The following CLEC4A variants were observed in gnomAD, a reference collection of about 807,000 sequenced individuals.
The protein encoded by CLEC4A is C-type (calcium dependent, carbohydrate-recognition domain) lectin, superfamily member 6.
Under a neutral mutation model 32.7 loss-of-function variants are expected in CLEC4A, and 27 were observed. That is an observed-to-expected ratio of 0.83 (90% CI 0.61 to 1.14). CLEC4A has a LOEUF of 1.14. CLEC4A is among the 50% of genes most tolerant of loss of function. The probability of loss-of-function intolerance (pLI) is 0.00; values close to 1 mark genes in which losing one functional copy is unlikely to be tolerated. For synonymous variants in CLEC4A, 89 were observed against 93.7 expected, an observed-to-expected ratio of 0.95 and a Z score of 0.29; for missense variants, 253 against 274.6, an observed-to-expected ratio of 0.92 and a Z score of 0.55.
intron 1 of CLEC4A, among the ~76,000 whole-genome samples, chr12:8,124,477 G>A (rs1004000649): frequency 6.6e-6 from 1 of 152,322 alleles, no homozygotes. Flanking sequence ...TACAAAGAAA[G>A]TCTCTTAAAT....
chr12:8,111,963 G>GTGTA, the CLEC4A span, among the ~76,000 whole-genome samples: 4,332 of 142,606 alleles, frequency 0.03, 167 homozygotes, highest in African/African-American at 0.088. Flanking sequence ...GTGTGTGTGT[G>GTGTA]TATTTTATTT....
Position 8,134,825 on chromosome 12 carries a change from G to T in CLEC4A, c.299-760G>T. ...CACCGCCTGGAGGGGGTGAGAAGGCGAAATCCGAAGCCAGGTGTCCCGCCA... is the reference window on the plus strand; with the variant it reads ...CACCGCCTGGAGGGGGTGAGAAGGCTAAATCCGAAGCCAGGTGTCCCGCCA... On this transcript the variant is annotated intron_variant, in intron 3 of 5. Coordinates refer to ENST00000229332, the MANE Select transcript of CLEC4A (RefSeq NM_016184.4). 3.2e-6 allele frequency: 5 copies of T among 1,548,372 alleles called. No individual in the cohort carries two copies. The South Asian group carries it at 6.0e-5, about 18-fold the overall frequency.
intron 3 of CLEC4A, chr12:8,134,830 C>G (rs1948067023): frequency 2.6e-6 from 4 of 1,547,362 alleles, no homozygotes; most frequent in Non-Finnish European, 3.5e-6. Flanking sequence ...AAGGCGAAAT[C>G]CGAAGCCAGG....
the CLEC4A span, among the ~76,000 whole-genome samples, chr12:8,105,039 G>A: frequency 0.013 from 2,026 of 152,178 alleles, 47 homozygotes; most frequent in African/African-American, 0.047. Context: ...GTGAACATAC[G>A]TATGCGGCAT....
chr12:8,122,151 A>T (rs547659644), upstream of CLEC4A, among the ~76,000 whole-genome samples: 25 of 152,116 alleles, frequency 1.6e-4, no homozygotes, highest in African/African-American at 5.8e-4. Flanking sequence ...GTCAGAGCCC[A>T]AGCAGGATGA....
the CLEC4A span, among the ~76,000 whole-genome samples, chr12:8,114,084 G>A: frequency 2.2e-3 from 339 of 152,250 alleles, no homozygotes; most frequent in African/African-American, 7.3e-3. Flanking sequence ...GCACTTGCCC[G>A]AGGCTGGTTT....
rs770473273 is a variant in CLEC4A, at chr12:8,136,769, CCTT to C, written c.451-15_451-13del. On this transcript the variant is annotated splice_polypyrimidine_tract_variant and intron_variant, in intron 4 of 5. Coordinates refer to ENST00000229332, the MANE Select transcript of CLEC4A (RefSeq NM_016184.4). ...GCTGAATACTGTAAAGGCTGTGACT[CCTT>C]CTTTTCCCCCCTCAGGATTTCATCT... The C allele has an allele frequency of 3.2e-5, 47 of 1,481,076 alleles. No individual in the cohort carries two copies. The highest frequency in any genetic ancestry group is 4.2e-5 in the Non-Finnish European group (45 of 1,058,910). The allele number at this position is 1,481,076 out of a possible 1,614,324, so 91.7% of individuals were successfully genotyped here.
chr12:8,114,388 G>A, the CLEC4A span, among the ~76,000 whole-genome samples: 1 of 152,216 alleles, frequency 6.6e-6, no homozygotes, highest in South Asian at 2.1e-4. Context: ...GGGACCACAG[G>A]CGCCCGCCAC....
chr12:8,128,423 T>C (rs1379307682), intron 2 of CLEC4A, among the ~76,000 whole-genome samples: 6 of 151,792 alleles, frequency 4.0e-5, no homozygotes, highest in Admixed American at 1.3e-4. Context: ...TTTTTTTTTT[T>C]TTTTTGAGAT....
intron 3 of CLEC4A, among the ~76,000 whole-genome samples, chr12:8,131,689 A>G (rs910052180): frequency 4.6e-5 from 7 of 152,332 alleles, no homozygotes; most frequent in South Asian, 4.1e-4. Flanking sequence ...AAGTTGACAC[A>G]TAAAATTAAC....
chr12:8,133,636 C>A, intron 3 of CLEC4A: 1 of 1,085,024 alleles, frequency 9.2e-7, no homozygotes, highest in Admixed American at 2.3e-5. Context: ...ACTCCCCTGC[C>A]CCCACCCTTT....
At chr12:8,115,468 A>C in the CLEC4A span, among the ~76,000 whole-genome samples, 27 of 152,182 alleles carry the variant, frequency 1.8e-4, no homozygotes, top group Admixed American at 2.6e-4. Context: ...TGCCTGATAG[A>C]CCAGGACTTC....
the CLEC4A span, among the ~76,000 whole-genome samples, chr12:8,107,460 C>T: frequency 6.6e-6 from 1 of 152,116 alleles, no homozygotes; most frequent in Non-Finnish European, 1.5e-5. Flanking sequence ...CAGCAGGAAC[C>T]TCTTCTTTAT....
the CLEC4A span, among the ~76,000 whole-genome samples, chr12:8,103,455 C>A: frequency 7.8e-6 from 1 of 128,524 alleles, no homozygotes; most frequent in Non-Finnish European, 1.6e-5. Context: ...GGCATGATCT[C>A]GGCTCACTGC....
At chr12:8,121,751 G>A (rs1195381689), upstream of CLEC4A, 1 of 153,370 alleles carries the variant, frequency 6.5e-6, no homozygotes, top group East Asian at 1.9e-4. Flanking sequence ...AGGTAAAGAA[G>A]GCATCTATGT....
At chr12:8,134,874 A>T in intron 3 of CLEC4A, 1 of 1,507,964 alleles carries the variant, frequency 6.6e-7, no homozygotes, top group Admixed American at 2.4e-5. Context: ...CGCCCCAAGC[A>T]TGGTGAAATC....
At chr12:8,134,732 G>A in intron 3 of CLEC4A, 1 of 1,563,668 alleles carries the variant, frequency 6.4e-7, no homozygotes, top group Non-Finnish European at 8.7e-7. Context: ...CTCCAGGAGG[G>A]CCTTGGAAGC....
At chr12:8,132,537 C>T (rs895161290) in intron 3 of CLEC4A, among the ~76,000 whole-genome samples, 3 of 152,012 alleles carry the variant, frequency 2.0e-5, no homozygotes, top group African/African-American at 4.8e-5. Context: ...TTAAATTAGT[C>T]GATGTTATTT....
chr12:8,103,373 G>GGTTTTTTTTTT, the CLEC4A span, among the ~76,000 whole-genome samples: 1 of 78,036 alleles, frequency 1.3e-5, no homozygotes, highest in African/African-American at 5.5e-5. Context: ...GTTTCTTTCT[G>GGTTTTTTTTTT]TTGTTTTTTT....
Sources: gnomAD v4.1 joint callset for allele counts (sites outside exome capture counted in the v4.1 genomes callset) on GRCh38, gnomAD v4.1.1 for gene constraint, MANE v1.5 for transcripts, NCBI Gene and HGNC (gene_info 2026-07-23, HGNC 2026-07-21) for gene names.